Variants in VOPP1 observed in about 807,000 individuals in gnomAD.
VOPP1 encodes VOPP1 WW domain binding protein, also known as WW domain binding protein VOPP1.
In VOPP1, 8 loss-of-function variants were observed where a neutral mutation model predicts 23.5. The observed-to-expected ratio is 0.34, with a 90% confidence interval of 0.20 to 0.61. VOPP1 has a LOEUF of 0.61. Among genes scored for constraint, VOPP1 ranks in the 20% least tolerant of loss-of-function variants. The pLI is 0.78. For synonymous variants in VOPP1, 83 were observed against 97.3 expected, an observed-to-expected ratio of 0.85 and a Z score of 0.86; for missense variants, 174 against 238.1, an observed-to-expected ratio of 0.73 and a Z score of 1.77.
At chr7:55,531,214 C>A (rs1055907008) in intron 1 of VOPP1, among the ~76,000 whole-genome samples, 1 of 152,194 alleles carries the variant, frequency 6.6e-6, no homozygotes, top group Non-Finnish European at 1.5e-5. Flanking sequence ...GCAGCGATAA[C>A]AGATAGAAAT....
At chr7:55,454,642 A>G (rs1791322702) in intron 4 of VOPP1, among the ~76,000 whole-genome samples, 1 of 152,222 alleles carries the variant, frequency 6.6e-6, no homozygotes, top group African/African-American at 2.4e-5. Flanking sequence ...ACGCTGGTTC[A>G]ACATACACAA....
At chr7:55,524,523 G>C (rs918456866) in intron 1 of VOPP1, among the ~76,000 whole-genome samples, 1 of 152,182 alleles carries the variant, frequency 6.6e-6, no homozygotes, top group African/African-American at 2.4e-5. Context: ...CTACACACAT[G>C]TACTAACTCA....
chr7:55,438,792 A>G (rs927371436), intron 4 of VOPP1, among the ~76,000 whole-genome samples: 1 of 152,236 alleles, frequency 6.6e-6, no homozygotes, highest in African/African-American at 2.4e-5. Flanking sequence ...GAGCACAGGC[A>G]GGAGCAGAGA....
chr7:55,550,759 T>C (rs1408105052), intron 1 of VOPP1, among the ~76,000 whole-genome samples: 2 of 152,206 alleles, frequency 1.3e-5, no homozygotes, highest in Non-Finnish European at 2.9e-5. Flanking sequence ...ATTGAGTATA[T>C]GTTAACGACC....
intron 2 of VOPP1, 132 bp from the exon 3 acceptor site, chr7:55,497,822 G>T: frequency 1.4e-6 from 1 of 725,274 alleles, no homozygotes; most frequent in Non-Finnish European, 2.4e-6. Context: ...GGACAGAACT[G>T]CCTCCACTGC....
intron 4 of VOPP1, among the ~76,000 whole-genome samples, chr7:55,436,646 G>A (rs1019552353): frequency 1.7e-4 from 14 of 82,296 alleles, no homozygotes; most frequent in Non-Finnish European, 2.0e-4. Context: ...GTGTGCGTGC[G>A]TGGGTGTGTG....
At chr7:55,439,789 G>A (rs1028595857) in intron 4 of VOPP1, among the ~76,000 whole-genome samples, 1 of 152,224 alleles carries the variant, frequency 6.6e-6, no homozygotes, top group African/African-American at 2.4e-5. Context: ...GATGGAGGAG[G>A]CGGAGGTGCT....
At chr7:55,517,206 C>T (rs1236612219) in intron 2 of VOPP1, among the ~76,000 whole-genome samples, 1 of 151,558 alleles carries the variant, frequency 6.6e-6, no homozygotes, top group East Asian at 1.9e-4. Context: ...GACTCGGCCT[C>T]CCAGAGTGCT....
chr7:55,497,803 G>T, intron 2 of VOPP1, 113 bp from the exon 3 acceptor site: 1 of 857,956 alleles, frequency 1.2e-6, no homozygotes, highest in South Asian at 1.5e-5. Flanking sequence ...AAATCAGTAA[G>T]AGCAAAAAGG....
rs187085141 is a variant in VOPP1 at position 55,492,691 on chromosome 7, T to C, written c.192-273A>G. 6.1e-5 allele frequency: 20 copies of C among 329,150 alleles called. No homozygotes were observed. The East Asian group carries it at 6.8e-4, about 11-fold the overall frequency. The allele number at this position is 329,150 out of a possible 1,614,324, so 20.4% of individuals were successfully genotyped here. ...CAGCCCCTGGTGAGGCCACCCACCC[T>C]GAAAAGCACCGTAAAAGAAAAAGCT... On this transcript the variant is annotated intron_variant, in intron 3 of 4. Coordinates refer to ENST00000285279, the MANE Select transcript of VOPP1 (RefSeq NM_030796.5).
At chr7:55,554,520 A>G (rs1235333162) in intron 1 of VOPP1, among the ~76,000 whole-genome samples, 4 of 152,220 alleles carry the variant, frequency 2.6e-5, no homozygotes. Context: ...AGGAATAGAG[A>G]AAACGGGGCC....
chr7:55,465,684 T>C (rs1203820116), downstream of VOPP1, among the ~76,000 whole-genome samples: 1 of 152,232 alleles, frequency 6.6e-6, no homozygotes, highest in African/African-American at 2.4e-5. Context: ...ATAGGTAGTA[T>C]AATCTCCATT....
At chr7:55,506,063 C>A (rs1475339865) in intron 2 of VOPP1, among the ~76,000 whole-genome samples, 2 of 152,184 alleles carry the variant, frequency 1.3e-5, no homozygotes, top group African/African-American at 4.8e-5. Flanking sequence ...TTTCCTGACG[C>A]CTTCGAGAGG....
chr7:55,453,347 C>T (rs900543185), intron 4 of VOPP1, among the ~76,000 whole-genome samples: 2 of 152,188 alleles, frequency 1.3e-5, no homozygotes, highest in African/African-American at 4.8e-5. Context: ...GTTGGCTACC[C>T]GGTGCAAGAG....
chr7:55,453,519 T>C (rs1229342437), intron 4 of VOPP1, among the ~76,000 whole-genome samples: 1 of 152,166 alleles, frequency 6.6e-6, no homozygotes, highest in Non-Finnish European at 1.5e-5. Flanking sequence ...TTATTGTTTG[T>C]TGTGTGTCAG....
chr7:55,470,287 A>C (rs1370368078), downstream of VOPP1, among the ~76,000 whole-genome samples: 1 of 152,140 alleles, frequency 6.6e-6, no homozygotes, highest in Non-Finnish European at 1.5e-5. Context: ...TCTGTGAGAG[A>C]AGTGTTATTT....
In VOPP1 at chr7:55,504,311, A is replaced by G. The variant is rs78833026; in HGVS notation, c.114-6621T>C. ...ATACTTGAAGGAGGCTTCCCAATTTAGAAGCAGGAAGTACATTCAGGCTTA... is the reference window on the plus strand; with the variant it reads ...ATACTTGAAGGAGGCTTCCCAATTTGGAAGCAGGAAGTACATTCAGGCTTA... On this transcript the variant is annotated intron_variant, in intron 2 of 4. Transcript: ENST00000285279. 2.0e-3 allele frequency among the ~76,000 whole-genome samples: 304 copies of G among 152,348 alleles called. 1 individual carries two copies. Among genetic ancestry groups the G allele is most frequent in the African/African-American group, 6.8e-3 (284 of 41,574 alleles).
At chr7:55,568,046 T>C in intron 1 of VOPP1, among the ~76,000 whole-genome samples, 1 of 150,850 alleles carries the variant, frequency 6.6e-6, no homozygotes, top group East Asian at 2.0e-4. Context: ...AAAGATAATG[T>C]CCACTTTGCA....
chr7:55,542,152 C>T (rs897334536), intron 1 of VOPP1, among the ~76,000 whole-genome samples: 12 of 152,104 alleles, frequency 7.9e-5, no homozygotes, highest in African/African-American at 2.9e-4. Flanking sequence ...AATAGTTGTA[C>T]ATATTTATGG....
Sources: gnomAD v4.1 joint callset for allele counts (sites outside exome capture counted in the v4.1 genomes callset) on GRCh38, gnomAD v4.1.1 for gene constraint, MANE v1.5 for transcripts, NCBI Gene and HGNC (gene_info 2026-07-23, HGNC 2026-07-21) for gene names.